The following ITK variants were observed in gnomAD, a reference collection of about 807,000 sequenced individuals.
ITK encodes the protein IL2 inducible T cell kinase.
A neutral mutation model predicts 87.6 loss-of-function variants in ITK; 45 were observed. The ratio of observed to expected loss-of-function variants is 0.51; its 90% confidence interval spans 0.40 to 0.66. The LOEUF (loss-of-function observed/expected upper bound fraction) is 0.66, where lower values mean the gene tolerates loss of function less well. Among genes scored for constraint, ITK ranks in the 30% least tolerant of loss-of-function variants. The pLI, the probability that ITK is intolerant of heterozygous loss-of-function variation, is 0.00. For synonymous variants in ITK, 303 were observed against 273.6 expected, an observed-to-expected ratio of 1.11 and a Z score of -1.06; for missense variants, 605 against 766.3, an observed-to-expected ratio of 0.79 and a Z score of 2.48.
intron 15 of ITK, among the ~76,000 whole-genome samples, chr5:157,246,851 G>A (rs1755028833): frequency 1.3e-5 from 2 of 152,182 alleles, no homozygotes; most frequent in South Asian, 2.1e-4. Context: ...AGGCAATGAA[G>A]CTGGTAGGCC....
At chr5:157,246,802 T>G (rs950283834) in intron 15 of ITK, among the ~76,000 whole-genome samples, 2 of 152,112 alleles carry the variant, frequency 1.3e-5, no homozygotes, top group East Asian at 3.9e-4. Context: ...ACTTGGTGCA[T>G]CCAAAGAACA....
At chr5:157,208,433 G>A (rs1754123315) in intron 1 of ITK, among the ~76,000 whole-genome samples, 1 of 151,968 alleles carries the variant, frequency 6.6e-6, no homozygotes, top group South Asian at 2.1e-4. Flanking sequence ...AAAGGACATG[G>A]AGAAGCCAGA....
chr5:157,228,003 T>G (rs454673), intron 6 of ITK, among the ~76,000 whole-genome samples: 9 of 151,416 alleles, frequency 5.9e-5, no homozygotes, highest in South Asian at 2.1e-4. Flanking sequence ...GCTAATTTTT[T>G]TGTGTGTGTG....
chr5:157,184,989 C>A (rs1753612931), intron 1 of ITK, among the ~76,000 whole-genome samples: 2 of 152,200 alleles, frequency 1.3e-5, no homozygotes, highest in South Asian at 4.1e-4. Flanking sequence ...CTCCACTCCT[C>A]ATGGCCTTTT....
chr5:157,224,599 G>A (rs1754493655), intron 6 of ITK, among the ~76,000 whole-genome samples: 1 of 152,096 alleles, frequency 6.6e-6, no homozygotes, highest in African/African-American at 2.4e-5. Context: ...GGCCAACATG[G>A]TGAAACCCCA....
chr5:157,231,094 T>C (rs76212209), intron 7 of ITK, among the ~76,000 whole-genome samples: 2,009 of 152,346 alleles, frequency 0.013, 15 homozygotes, highest in Non-Finnish European at 0.02. Context: ...CTTAAAAATG[T>C]ACCACCTGGT....
chr5:157,234,646 A>T (rs930466165), intron 8 of ITK, among the ~76,000 whole-genome samples: 1 of 152,186 alleles, frequency 6.6e-6, no homozygotes, highest in Non-Finnish European at 1.5e-5. Flanking sequence ...GCTGGAAAAC[A>T]TCATTCTCAG....
chr5:157,204,254 C>G (rs1245105104), intron 1 of ITK, among the ~76,000 whole-genome samples: 2 of 152,196 alleles, frequency 1.3e-5, no homozygotes, highest in African/African-American at 4.8e-5. Context: ...GACCTCCTAC[C>G]TCAGCCTCTC....
intron 5 of ITK, among the ~76,000 whole-genome samples, chr5:157,222,092 T>A (rs950582838): frequency 1.3e-5 from 2 of 152,196 alleles, no homozygotes; most frequent in African/African-American, 4.8e-5. Flanking sequence ...AATGCTTCAA[T>A]GTACTCAGAG....
At chr5:157,200,625 G>T (rs1460875300) in intron 1 of ITK, among the ~76,000 whole-genome samples, 2 of 152,180 alleles carry the variant, frequency 1.3e-5, no homozygotes, top group African/African-American at 4.8e-5. Context: ...TCTTTGGAAA[G>T]ACTGACCAAC....
At chr5:157,182,711 C>T (rs1410582504) in intron 1 of ITK, among the ~76,000 whole-genome samples, 1 of 152,018 alleles carries the variant, frequency 6.6e-6, no homozygotes, top group Admixed American at 6.6e-5. Context: ...CAGTCATGTA[C>T]CTTTAAATAT....
At chr5:157,250,584 T>C (rs1755121813) in intron 16 of ITK, among the ~76,000 whole-genome samples, 1 of 151,810 alleles carries the variant, frequency 6.6e-6, no homozygotes, top group East Asian at 1.9e-4. Context: ...TGGTGCAATC[T>C]CAGCTCACTG....
At position 157,232,337 on chromosome 5, in the gene ITK, C is replaced by A; in HGVS notation, c.714-3C>A. 1 of 1,606,100 alleles carries A rather than the reference C, an allele frequency of 6.2e-7. No homozygotes were observed. Among genetic ancestry groups the A allele is most frequent in the Non-Finnish European group, 8.5e-7 (1 of 1,173,224 alleles). The stretch of plus-strand genomic sequence containing the variant: ...TTGACATATGACTTTTCCTTGCTTT[C>A]AGGTGGTACAATAAGAGTATCAGCC... On this transcript the variant is annotated splice_polypyrimidine_tract_variant and splice_region_variant and intron_variant, in intron 7 of 16. Transcript: ENST00000422843.
intron 6 of ITK, among the ~76,000 whole-genome samples, chr5:157,227,103 A>G (rs751247630): frequency 6.6e-6 from 1 of 152,184 alleles, no homozygotes; most frequent in African/African-American, 2.4e-5. Flanking sequence ...TACAGGTGTG[A>G]GCCACCACAC....
chr5:157,254,058 G>T lies in ITK; in HGVS notation c.*1380G>T, dbSNP rs1755203748. ...TAGAAAGTCTAGAGCTGGTATTCTA[G>T]CCCAAATCTGTCTGACCGCAATACA... On this transcript the variant is annotated 3_prime_UTR_variant, in exon 17 of 17. Coordinates refer to ENST00000422843, the MANE Select transcript of ITK (RefSeq NM_005546.4). 8.8e-6 allele frequency: 2 copies of T among 226,554 alleles called. No individual in the cohort carries two copies. The allele number at this position is 226,554 out of a possible 1,614,324, so 14.0% of individuals were successfully genotyped here. A position where few individuals can be genotyped will look rare whatever the true frequency, so the allele number is the denominator to read the frequency against.
chr5:157,218,820 G>T (rs1040296590), intron 5 of ITK, among the ~76,000 whole-genome samples: 5 of 152,108 alleles, frequency 3.3e-5, no homozygotes, highest in Non-Finnish European at 7.4e-5. Context: ...TGGACCAGAA[G>T]CATCTGCATC....
intron 5 of ITK, chr5:157,222,656 A>G: frequency 1.7e-6 from 1 of 595,930 alleles, no homozygotes; most frequent in Non-Finnish European, 3.0e-6. Flanking sequence ...CTTGGAATTC[A>G]CTGTGGTCAG....
chr5:157,203,439 T>C (rs1754016318), intron 1 of ITK, among the ~76,000 whole-genome samples: 1 of 152,248 alleles, frequency 6.6e-6, no homozygotes. Flanking sequence ...CCCTGGTCTC[T>C]GACCTTAGGG....
rs1280125785 is a variant in ITK, at chr5:157,208,954, T to C, written c.204T>C (p.Ser68=). The C allele has an allele frequency of 6.2e-7, 1 of 1,613,910 alleles. No individual in the cohort carries two copies. The highest frequency in any genetic ancestry group is 2.2e-5 in the East Asian group (1 of 44,876). ...SRIKCVEIVK[S]DISIPCHYKY... is the part of the protein sequence containing the mutation. ...TCAAATGTGTTGAGATTGTGAAAAG[T>C]GACATCAGCATCCCATGCCACTATA... is the stretch of plus-strand genomic sequence containing the variant. The change falls in exon 2 of 17, where the codon AGT becomes AGC. Residue 68 remains serine, a synonymous_variant. Coordinates refer to ENST00000422843, the MANE Select transcript of ITK (RefSeq NM_005546.4).
Sources: allele counts gnomAD v4.1 joint callset (sites outside exome capture counted in the v4.1 genomes callset), GRCh38; gene constraint gnomAD v4.1.1; transcripts MANE v1.5; gene names NCBI Gene and HGNC (gene_info 2026-07-23, HGNC 2026-07-21).